Variants in LMBRD1 observed in about 807,000 individuals in gnomAD.
LMBRD1 encodes lysosomal cobalamin transport escort protein LMBD1.
LMBRD1 carries 64 observed loss-of-function variants against 74.8 expected under a neutral mutation model. That is an observed-to-expected ratio of 0.86 (90% CI 0.70 to 1.05). The LOEUF is 1.05. Ranked by LOEUF, LMBRD1 falls within the 50% of genes least tolerant of loss-of-function variation. The probability of loss-of-function intolerance (pLI) is 0.00; values close to 1 mark genes in which losing one functional copy is unlikely to be tolerated. For synonymous variants in LMBRD1, 204 were observed against 216.3 expected, an observed-to-expected ratio of 0.94 and a Z score of 0.50; for missense variants, 652 against 645.9, an observed-to-expected ratio of 1.01 and a Z score of -0.10.
At chr6:69,713,094 A>G (rs1464666462) in intron 9 of LMBRD1, among the ~76,000 whole-genome samples, 1 of 152,152 alleles carries the variant, frequency 6.6e-6, no homozygotes. Flanking sequence ...ATGTACACCA[A>G]TAGAAAAGAA....
chr6:69,742,333 G>A (rs1582111609), intron 5 of LMBRD1, among the ~76,000 whole-genome samples: 1 of 152,106 alleles, frequency 6.6e-6, no homozygotes, highest in African/African-American at 2.4e-5. Context: ...GGAATCGGGA[G>A]TGATTATTAC....
Position 69,699,068 on chromosome 6 carries a change from T to C in LMBRD1, c.1313A>G (p.Tyr438Cys). 2 of 1,603,966 alleles carry C rather than the reference T, an allele frequency of 1.2e-6. No individual in the cohort carries two copies. Among genetic ancestry groups the C allele is most frequent in the Non-Finnish European group, 1.7e-6 (2 of 1,171,418 alleles). The change falls in exon 13 of 16, where the codon TAT (tyrosine) becomes TGT (cysteine). Residue 438 changes from tyrosine (Y) to cysteine (C), a missense_variant. By Grantham distance (194) the Tyr-to-Cys change is radical. Coordinates refer to ENST00000649934, the MANE Select transcript of LMBRD1 (RefSeq NM_018368.4). Reference protein sequence around the residue: ...IYSLAPQYVMYGSQNYLIETN... With the variant: ...IYSLAPQYVMCGSQNYLIETN... ...CTCTATTAAGTAATTTTGGCTTCCATACATAACATATTGGGGAGCAAGACT... is the reference window on the plus strand; with the variant it reads ...CTCTATTAAGTAATTTTGGCTTCCACACATAACATATTGGGGAGCAAGACT...
intron 7 of LMBRD1, 46 bp from the exon 8 acceptor site, chr6:69,719,127 ATAT>A (rs761330757): frequency 2.9e-5 from 45 of 1,569,150 alleles, no homozygotes; most frequent in Non-Finnish European, 3.8e-5. Context: ...TGTTTCAAAC[ATAT>A]TATACACAAT....
intron 14 of LMBRD1, among the ~76,000 whole-genome samples, chr6:69,678,737 C>T (rs1765597383): frequency 6.6e-6 from 1 of 152,100 alleles, no homozygotes; most frequent in Admixed American, 6.6e-5. Flanking sequence ...GCTCTCTTCT[C>T]AGCTTCAATA....
At chr6:69,738,702 C>T (rs548982971) in intron 6 of LMBRD1, among the ~76,000 whole-genome samples, 68 of 151,958 alleles carry the variant, frequency 4.5e-4, no homozygotes, top group Non-Finnish European at 8.4e-4. Context: ...GCAGGAATGA[C>T]ACTTTCACAT....
chr6:69,704,359 T>C (rs766283236), intron 9 of LMBRD1, among the ~76,000 whole-genome samples: 1 of 152,134 alleles, frequency 6.6e-6, no homozygotes, highest in Non-Finnish European at 1.5e-5. Flanking sequence ...GGAATTCTAC[T>C]GTAGGGAAGA....
At chr6:69,704,294 T>A (rs1470920305) in intron 9 of LMBRD1, among the ~76,000 whole-genome samples, 1 of 152,138 alleles carries the variant, frequency 6.6e-6, no homozygotes, top group African/African-American at 2.4e-5. Flanking sequence ...AATACGTTTT[T>A]TTCTGTGGTA....
At chr6:69,746,361 T>C (rs1019622843) in intron 5 of LMBRD1, 1 of 153,578 alleles carries the variant, frequency 6.5e-6, no homozygotes, top group African/African-American at 2.4e-5. Context: ...TGTGGCATCA[T>C]GGAGGGACTC....
chr6:69,725,356 C>T (rs1766706769), intron 7 of LMBRD1, among the ~76,000 whole-genome samples: 1 of 150,884 alleles, frequency 6.6e-6, no homozygotes, highest in East Asian at 1.9e-4. Flanking sequence ...CACACACACA[C>T]ACACACACAC....
At chr6:69,676,882 A>G (rs953276125) in intron 14 of LMBRD1, among the ~76,000 whole-genome samples, 4 of 152,224 alleles carry the variant, frequency 2.6e-5, no homozygotes, top group African/African-American at 7.2e-5. Flanking sequence ...CATAAAACAA[A>G]AAAAAAGTTT....
rs1311661079 is a variant in LMBRD1, at chr6:69,675,719, A to G, written c.*439T>C. The G allele has an allele frequency of 5.5e-6, 1 of 180,726 alleles. No individual in the cohort carries two copies. Among genetic ancestry groups the G allele is most frequent in the Non-Finnish European group, 1.2e-5 (1 of 84,712 alleles). The allele number at this position is 180,726 out of a possible 1,614,324, so 11.2% of individuals were successfully genotyped here. A position where few individuals can be genotyped will look rare whatever the true frequency, so the allele number is the denominator to read the frequency against. ...CTGAAAACAATTTGCATATGGGAGT[A>G]ACATTCATCAGCTATATTGTAAATA... On this transcript the variant is annotated 3_prime_UTR_variant, in exon 16 of 16. Transcript: ENST00000649934.
At chr6:69,755,827 C>T (rs571984415) in intron 3 of LMBRD1, among the ~76,000 whole-genome samples, 149 of 152,234 alleles carry the variant, frequency 9.8e-4, no homozygotes, top group African/African-American at 3.4e-3. Context: ...TTAGCTTCAG[C>T]CTGAGTATGC....
In LMBRD1 at chr6:69,733,065, T is replaced by C. The variant is rs755276005; in HGVS notation, c.636+4877A>G. On this transcript the variant is annotated intron_variant, in intron 7 of 15. Coordinates refer to ENST00000649934, the MANE Select transcript of LMBRD1 (RefSeq NM_018368.4). ...AGTAAAATTTAAATAATCAACTAGT[T>C]TCAAAAATAAACAATAATACATAAC... Among the ~76,000 whole-genome samples, 2 of 152,054 alleles carry C rather than the reference T, an allele frequency of 1.3e-5. 1 individual carries two copies. Among genetic ancestry groups the C allele is most frequent in the Non-Finnish European group, 2.9e-5 (2 of 68,000 alleles).
chr6:69,700,922 C>T lies in LMBRD1; in HGVS notation c.1084-53G>A, dbSNP rs960570361. 13 of 1,103,384 alleles carry T rather than the reference C, an allele frequency of 1.2e-5. No homozygotes were observed. In the African/African-American group the frequency reaches 2.1e-4, roughly 18 times the overall value. The allele number at this position is 1,103,384 out of a possible 1,614,324, so 68.3% of individuals were successfully genotyped here. A position where few individuals can be genotyped will look rare whatever the true frequency, so the allele number is the denominator to read the frequency against. ...AACATATAAACTATAAGCACTCTAA[C>T]AGTCATATAAAATAAGCTAAAAACT... On this transcript the variant is annotated intron_variant, in intron 11 of 15. Transcript: ENST00000649934.
chr6:69,738,080 A>G, intron 6 of LMBRD1, 65 bp from the exon 7 acceptor site: 13 of 1,186,988 alleles, frequency 1.1e-5, no homozygotes, highest in Non-Finnish European at 1.6e-5. Context: ...TATTTAGCAA[A>G]TCAACATAGA....
chr6:69,749,240 A>C, intron 5 of LMBRD1, 101 bp downstream of exon 5: 1 of 907,810 alleles, frequency 1.1e-6, no homozygotes, highest in Non-Finnish European at 1.7e-6. Flanking sequence ...TTTTTCTTAC[A>C]TTTTTTTCTT....
chr6:69,682,695 C>CTA (rs2149835331), intron 14 of LMBRD1, among the ~76,000 whole-genome samples: 1 of 152,028 alleles, frequency 6.6e-6, no homozygotes, highest in Non-Finnish European at 1.5e-5. Context: ...TCTTCTATTA[C>CTA]TTTAACTTTT....
intron 3 of LMBRD1, among the ~76,000 whole-genome samples, chr6:69,764,823 G>A (rs752568077): frequency 1.2e-4 from 18 of 151,892 alleles, no homozygotes; most frequent in Non-Finnish European, 2.5e-4. Context: ...TATTGATGAA[G>A]TATAACTTAT....
At chr6:69,684,622 T>C (rs1009226198) in intron 14 of LMBRD1, among the ~76,000 whole-genome samples, 2 of 152,102 alleles carry the variant, frequency 1.3e-5, no homozygotes, top group Non-Finnish European at 2.9e-5. Context: ...AGAATTTTAT[T>C]TTTTACCCTA....
Sources: gnomAD v4.1 joint callset for allele counts (sites outside exome capture counted in the v4.1 genomes callset) on GRCh38, gnomAD v4.1.1 for gene constraint, MANE v1.5 for transcripts, NCBI Gene and HGNC (gene_info 2026-07-23, HGNC 2026-07-21) for gene names.